The following FAM135B variants were observed in gnomAD, a reference collection of about 807,000 sequenced individuals.
FAM135B encodes protein FAM135B.
A neutral mutation model predicts 127.7 loss-of-function variants in FAM135B; 43 were observed. The observed-to-expected ratio is 0.34, with a 90% CI of 0.26 to 0.43. FAM135B has a LOEUF of 0.43. Among genes scored for constraint, FAM135B ranks in the 20% least tolerant of loss-of-function variants. FAM135B has a pLI of 1.00. For missense variants in FAM135B, 1,558 were observed against 1,725.6 expected (o/e 0.90, Z 1.72); for synonymous variants, 670 against 665.1 (o/e 1.01, Z -0.11).
At chr8:138,290,716 C>A (rs1825046034) in intron 3 of FAM135B, among the ~76,000 whole-genome samples, 1 of 152,018 alleles carries the variant, frequency 6.6e-6, no homozygotes, top group South Asian at 2.1e-4. Flanking sequence ...AGACTTAGTG[C>A]AGGGATTTGG....
rs1816241239 is a variant in FAM135B at position 138,131,832 on chromosome 8, A to C, written c.*761T>G. 6.6e-6 allele frequency: 1 copy of C among 152,668 alleles called. No homozygotes were observed. The highest frequency in any genetic ancestry group is 2.1e-4 in the South Asian group (1 of 4,832). The allele number at this position is 152,668 out of a possible 1,614,324, so 9.5% of individuals were successfully genotyped here. A position where few individuals can be genotyped will look rare whatever the true frequency, so the allele number is the denominator to read the frequency against. ...ACTACAGACAAAGATGTAAGCAATC[A>C]CTAAAATAATTTGTGGATCAGGGCT... On this transcript the variant is annotated 3_prime_UTR_variant, in exon 20 of 20. Transcript: ENST00000395297.
At chr8:138,438,401 T>C (rs1418610471) in intron 1 of FAM135B, 1 of 152,152 alleles carries the variant, frequency 6.6e-6, no homozygotes, top group African/African-American at 2.4e-5. Flanking sequence ...GAAAGAGTGA[T>C]AATATGAGTG....
intron 1 of FAM135B, among the ~76,000 whole-genome samples, chr8:138,464,594 G>A (rs1198668047): frequency 6.6e-6 from 1 of 152,190 alleles, no homozygotes. Context: ...AAGGAGGGAG[G>A]AAGACAGGAG....
At chr8:138,446,496 C>T (rs1213972117) in intron 1 of FAM135B, among the ~76,000 whole-genome samples, 3 of 152,122 alleles carry the variant, frequency 2.0e-5, no homozygotes, top group Admixed American at 6.6e-5. Context: ...TCAGCAGTAA[C>T]ACTGCATACC....
In FAM135B at chr8:138,242,834, C is replaced by CA. The variant is rs1054507288; in HGVS notation, c.669+107dup. ...ATGGTGAAAGGAAGGGTCAAATTAG[C>CA]AAAAATCTCTGAAGGGGATGTTTCA... On this transcript the variant is annotated intron_variant, in intron 7 of 19. Transcript: ENST00000395297. This position sits in a 1 kb window ranked among gnomAD's most constrained non-coding sequence, Gnocchi z 9.6. 35 of 1,442,304 alleles carry CA rather than the reference C, an allele frequency of 2.4e-5. No individual in the cohort carries two copies. Among genetic ancestry groups the CA allele is most frequent in the Middle Eastern group, 1.8e-4 (1 of 5,428 alleles). 89.3% of individuals were successfully genotyped at this position (1,442,304 alleles called of 1,614,324 possible).
intron 1 of FAM135B, among the ~76,000 whole-genome samples, chr8:138,445,156 A>G (rs1267217996): frequency 6.6e-6 from 1 of 152,200 alleles, no homozygotes; most frequent in African/African-American, 2.4e-5. Flanking sequence ...TTGAGGCAAT[A>G]ATTAATAGCT....
intron 12 of FAM135B, among the ~76,000 whole-genome samples, chr8:138,165,990 T>A (rs967594751): frequency 6.6e-5 from 10 of 152,168 alleles, no homozygotes; most frequent in Non-Finnish European, 1.3e-4. Flanking sequence ...ATTTAGCCAT[T>A]TTAAAGCATC....
chr8:138,409,205 C>T (rs959032747), intron 1 of FAM135B, among the ~76,000 whole-genome samples: 7 of 152,020 alleles, frequency 4.6e-5, no homozygotes, highest in East Asian at 1.9e-4. Context: ...ATTAATTGGC[C>T]GATTTTCAGT....
intron 1 of FAM135B, among the ~76,000 whole-genome samples, chr8:138,431,341 C>T (rs1004830086): frequency 1.3e-5 from 2 of 152,126 alleles, no homozygotes; most frequent in African/African-American, 4.8e-5. Flanking sequence ...TAATATGCCT[C>T]TTAATTAAAT....
At chr8:138,265,495 G>A (rs964084195) in intron 4 of FAM135B, among the ~76,000 whole-genome samples, 1 of 152,124 alleles carries the variant, frequency 6.6e-6, no homozygotes, top group Non-Finnish European at 1.5e-5. Context: ...TTGCACTTGA[G>A]ACTACATGGA....
At chr8:138,423,711 A>T (rs1834664884) in intron 1 of FAM135B, among the ~76,000 whole-genome samples, 1 of 152,300 alleles carries the variant, frequency 6.6e-6, no homozygotes, top group South Asian at 2.1e-4. Context: ...ACATCTTATC[A>T]GGAGACAGGG....
intron 2 of FAM135B, among the ~76,000 whole-genome samples, chr8:138,315,281 A>AT (rs1260339905): frequency 1.3e-5 from 2 of 152,180 alleles, no homozygotes; most frequent in African/African-American, 2.4e-5. Context: ...CACCTCATAC[A>AT]TTTTAGGACA....
In FAM135B at chr8:138,458,942, G is replaced by C. The variant is rs1039499361; in HGVS notation, c.-20+37729C>G. ...GGGATTTCTGACTTGTGAAATTGCC[G>C]GCATGTACTGGTGGCCACACAGTAC... is the stretch of plus-strand genomic sequence containing the variant. On this transcript the variant is annotated intron_variant, in intron 1 of 19. Coordinates refer to ENST00000395297, the MANE Select transcript of FAM135B (RefSeq NM_015912.4). Among the ~76,000 whole-genome samples, 3 of 152,132 alleles carry C rather than the reference G, an allele frequency of 2.0e-5. No homozygotes were observed. The East Asian group carries it at 5.8e-4, about 29-fold the overall frequency.
intron 1 of FAM135B, among the ~76,000 whole-genome samples, chr8:138,389,328 C>T (rs530689160): frequency 6.6e-6 from 1 of 152,268 alleles, no homozygotes; most frequent in South Asian, 2.1e-4. Flanking sequence ...AGAAGTGAAA[C>T]CATTGTTAAA....
intron 1 of FAM135B, among the ~76,000 whole-genome samples, chr8:138,397,379 G>A (rs1832910163): frequency 6.6e-6 from 1 of 152,160 alleles, no homozygotes; most frequent in South Asian, 2.1e-4. Flanking sequence ...AGGGGTATGA[G>A]GTTTCCTTTT....
chr8:138,343,991 T>C (rs1829229530), intron 2 of FAM135B, among the ~76,000 whole-genome samples: 1 of 152,122 alleles, frequency 6.6e-6, no homozygotes. Context: ...CATTTAGTTA[T>C]ACTCCCTCCA....
At chr8:138,183,603 T>C (rs1267031577) in intron 9 of FAM135B, among the ~76,000 whole-genome samples, 1 of 152,220 alleles carries the variant, frequency 6.6e-6, no homozygotes, top group African/African-American at 2.4e-5. Context: ...TGGCATGGGA[T>C]TCACTTAATA....
intron 3 of FAM135B, among the ~76,000 whole-genome samples, chr8:138,287,644 A>G (rs545337905): frequency 2.6e-5 from 4 of 152,232 alleles, no homozygotes; most frequent in African/African-American, 7.2e-5. Context: ...GCTTCCCCCA[A>G]ACAGACCTGA....
intron 1 of FAM135B, chr8:138,440,293 T>A (rs993480247): frequency 6.6e-6 from 1 of 152,062 alleles, no homozygotes; most frequent in Non-Finnish European, 1.5e-5. Flanking sequence ...GAAGAAGGCA[T>A]ATTTCTGGGG....
Sources: gnomAD v4.1 joint callset for allele counts (sites outside exome capture counted in the v4.1 genomes callset) on GRCh38, gnomAD v4.1.1 for gene constraint, Gnocchi (gnomAD v3.1) non-coding constraint, MANE v1.5 for transcripts, NCBI Gene and HGNC (gene_info 2026-07-23, HGNC 2026-07-21) for gene names.